MTA1: variants seen among roughly 807,000 people sequenced by gnomAD.
The protein encoded by MTA1 is metastasis associated 1.
MTA1 carries 15 observed loss-of-function variants against 97.0 expected under a neutral mutation model. The ratio of observed to expected loss-of-function variants is 0.15; its 90% CI spans 0.10 to 0.24. The LOEUF (loss-of-function observed/expected upper bound fraction) is 0.24, where lower values mean the gene tolerates loss of function less well. MTA1 is among the 10% of genes least tolerant of loss of function. MTA1 has a pLI of 1.00. For synonymous variants in MTA1, 435 were observed against 417.5 expected (o/e 1.04, Z -0.51); for missense variants, 709 against 1,015.1 (o/e 0.70, Z 4.10).
chr14:105,433,265 G>T (rs899188057), intron 1 of MTA1, among the ~76,000 whole-genome samples: 4 of 152,078 alleles, frequency 2.6e-5, no homozygotes, highest in African/African-American at 4.8e-5. Flanking sequence ...AAGCAGGGAC[G>T]CTCCCGTGAG....
intron 6 of MTA1, among the ~76,000 whole-genome samples, chr14:105,451,783 G>GTTTTTTTTTTTTTTTTTTTTTTTTTTTT (rs869240296): frequency 3.2e-5 from 1 of 31,380 alleles, no homozygotes; most frequent in African/African-American, 6.9e-5. Context: ...TTCTTTTTTT[G>GTTTTTTTTTTTTTTTTTTTTTTTTTTTT]TTTTTTTTTT....
At chr14:105,427,123 A>G (rs950827387) in intron 1 of MTA1, among the ~76,000 whole-genome samples, 8 of 152,098 alleles carry the variant, frequency 5.3e-5, no homozygotes, top group African/African-American at 1.9e-4. Flanking sequence ...TTCTCCCCCA[A>G]TTCTTCTGTG....
At position 105,424,736 on chromosome 14, in the gene MTA1, TCCAC is replaced by T. The variant is rs1415888463; in HGVS notation, c.28+4676_28+4679del. ...GTCTCGAACTCCTGACCTCAAGTGA[TCCAC>T]CCGCCTCGGCCTCCCAAAGTGCTGG... On this transcript the variant is annotated intron_variant, in intron 1 of 20. Coordinates refer to ENST00000331320, the MANE Select transcript of MTA1 (RefSeq NM_004689.4). The surrounding 1 kb of genome is among the most constrained non-coding windows in gnomAD (Gnocchi z 4.0). 6.8e-6 allele frequency among the ~76,000 whole-genome samples: 1 copy of T among 146,366 alleles called. No homozygotes were observed. The highest frequency in any genetic ancestry group is 1.5e-5 in the Non-Finnish European group (1 of 66,306).
intron 2 of MTA1, among the ~76,000 whole-genome samples, chr14:105,443,237 C>A (rs1274168273): frequency 6.6e-6 from 1 of 152,152 alleles, no homozygotes; most frequent in African/African-American, 2.4e-5. Context: ...GGGTTCACAC[C>A]ACCATAGTGA....
intron 7 of MTA1, among the ~76,000 whole-genome samples, chr14:105,455,029 C>T (rs900168663): frequency 1.3e-5 from 2 of 152,182 alleles, no homozygotes; most frequent in African/African-American, 4.8e-5. Context: ...CCTCAGCCTC[C>T]TCAGTAGCTG....
At chr14:105,447,768 C>T (rs1160826543) in intron 3 of MTA1, among the ~76,000 whole-genome samples, 2 of 152,216 alleles carry the variant, frequency 1.3e-5, no homozygotes, top group East Asian at 1.9e-4. Flanking sequence ...ACTCAGAGCG[C>T]GGCCCCACTC....
chr14:105,428,717 CT>C (rs60016099), intron 1 of MTA1, among the ~76,000 whole-genome samples: 143,319 of 145,586 alleles, frequency 0.98, 70,539 homozygotes, highest in South Asian at 1. Flanking sequence ...AGAAGTGTTT[CT>C]TTTTTTTTTT....
At chr14:105,469,528 G>T (rs372721890) in intron 19 of MTA1, 30 bp downstream of exon 19, 10 of 1,610,960 alleles carry the variant, frequency 6.2e-6, no homozygotes, top group African/African-American at 2.7e-5. Context: ...ATGGGGTACG[G>T]TGCGCTCACC....
In MTA1 at chr14:105,467,923, A is replaced by G. The variant is rs2083663736; in HGVS notation, c.1813+1181A>G. On this transcript the variant is annotated intron_variant, in intron 18 of 20. Transcript: ENST00000331320. Reference sequence around the variant, plus strand: ...CATAAAAGCTTATTTGTTCCCACTGAATTTTCCACACCTCACACGTGAGTC... The same window carrying G: ...CATAAAAGCTTATTTGTTCCCACTGGATTTTCCACACCTCACACGTGAGTC... 1.1e-4 allele frequency: 27 copies of G among 242,594 alleles called. No homozygotes were observed. The South Asian group carries it at 1.2e-3, about 11-fold the overall frequency. 15.0% of individuals were successfully genotyped at this position (242,594 alleles called of 1,614,324 possible). A position where few individuals can be genotyped will look rare whatever the true frequency, so the allele number is the denominator to read the frequency against.
At position 105,463,478 on chromosome 14, in the gene MTA1, C is replaced by T. The variant is rs2083441128; in HGVS notation, c.1018-15C>T. 6.2e-7 allele frequency: 1 copy of T among 1,613,016 alleles called. No homozygotes were observed. The highest frequency in any genetic ancestry group is 1.1e-5 in the South Asian group (1 of 91,074). Reference sequence around the variant, plus strand: ...GCCTAGCCTGCTGACCTCTGACCTTCTCTTTTGTTTTAAGAAACGCTTGAA... The same window carrying T: ...GCCTAGCCTGCTGACCTCTGACCTTTTCTTTTGTTTTAAGAAACGCTTGAA... On this transcript the variant is annotated splice_polypyrimidine_tract_variant and intron_variant, in intron 11 of 20. Coordinates refer to ENST00000331320, the MANE Select transcript of MTA1 (RefSeq NM_004689.4). This position sits in a 1 kb window ranked among gnomAD's most constrained non-coding sequence, Gnocchi z 5.9.
intron 1 of MTA1, among the ~76,000 whole-genome samples, chr14:105,427,182 CTT>C: frequency 6.6e-6 from 1 of 152,388 alleles, no homozygotes; most frequent in African/African-American, 2.4e-5. Context: ...AAAATTCACA[CTT>C]ATGTCACTTT....
rs1261297542 is a variant in MTA1, at chr14:105,420,111, C to T, written c.28+48C>T. The T allele has an allele frequency of 1.7e-5, 16 of 950,160 alleles. No individual in the cohort carries two copies. The highest frequency in any genetic ancestry group is 1.8e-5 in the Non-Finnish European group (14 of 791,248). 58.9% of individuals were successfully genotyped at this position (950,160 alleles called of 1,614,324 possible). On this transcript the variant is annotated intron_variant, in intron 1 of 20. Transcript: ENST00000331320. The surrounding 1 kb of genome is among the most constrained non-coding windows in gnomAD (Gnocchi z 5.3). ...CCCGGCCCCGACCCGCCCGCAGCCC[C>T]CACCCGCCGCCGCTGCCGCCTCCCC...
Position 105,464,401 on chromosome 14 carries a change from C to T in MTA1, c.1193-15C>T. The T allele has an allele frequency of 6.2e-7, 1 of 1,611,640 alleles. No individual in the cohort carries two copies. Among genetic ancestry groups the T allele is most frequent in the South Asian group, 1.1e-5 (1 of 91,060 alleles). Reference sequence around the variant, plus strand: ...TGCTTAAGAATCCGTCTATTTCCAACTTTGTTGTCCGTAGCCACACAGTCT... The same window carrying T: ...TGCTTAAGAATCCGTCTATTTCCAATTTTGTTGTCCGTAGCCACACAGTCT... On this transcript the variant is annotated splice_polypyrimidine_tract_variant and intron_variant, in intron 13 of 20. Coordinates refer to ENST00000331320, the MANE Select transcript of MTA1 (RefSeq NM_004689.4).
intron 16 of MTA1, chr14:105,466,169 C>T: frequency 1.8e-6 from 1 of 552,476 alleles, no homozygotes; most frequent in Admixed American, 3.3e-5. Context: ...CTGGCCCCCG[C>T]CAGGTGGTCT....
rs1457974814 is a variant in MTA1, at chr14:105,422,013, G to C, written c.28+1950G>C. Among the ~76,000 whole-genome samples, 1 of 152,244 alleles carries C rather than the reference G, an allele frequency of 6.6e-6. No homozygotes were observed. Among genetic ancestry groups the C allele is most frequent in the Non-Finnish European group, 1.5e-5 (1 of 68,042 alleles). ...TCTTTTCCTGTGATGAGGAGCATGGGAGGTTGGGTGCTGTCTGCTGGCAGC... is the reference window on the plus strand; with the variant it reads ...TCTTTTCCTGTGATGAGGAGCATGGCAGGTTGGGTGCTGTCTGCTGGCAGC... On this transcript the variant is annotated intron_variant, in intron 1 of 20. Coordinates refer to ENST00000331320, the MANE Select transcript of MTA1 (RefSeq NM_004689.4). This position sits in a 1 kb window ranked among gnomAD's most constrained non-coding sequence, Gnocchi z 4.3.
chr14:105,420,342 G>A lies in MTA1; in HGVS notation c.28+279G>A, dbSNP rs1405790472. The stretch of plus-strand genomic sequence containing the variant: ...GGGCGGCCGCGGGGGTGGCGGGGGG[G>A]CGCGGGGCCTGCGGGACATCCGGGG... On this transcript the variant is annotated intron_variant, in intron 1 of 20. Coordinates refer to ENST00000331320, the MANE Select transcript of MTA1 (RefSeq NM_004689.4). This position sits in a 1 kb window ranked among gnomAD's most constrained non-coding sequence, Gnocchi z 5.3. 2.6e-5 allele frequency among the ~76,000 whole-genome samples: 4 copies of A among 151,318 alleles called. No individual in the cohort carries two copies. The highest frequency in any genetic ancestry group is 7.3e-5 in the African/African-American group (3 of 41,362).
intron 1 of MTA1, among the ~76,000 whole-genome samples, chr14:105,433,361 C>T (rs1406065850): frequency 1.3e-5 from 2 of 152,210 alleles, no homozygotes; most frequent in Non-Finnish European, 2.9e-5. Flanking sequence ...TCCGTCTCAG[C>T]CCCTCCAGAG....
rs1014945528 is a variant in MTA1, at chr14:105,470,646, C to A, written c.*431C>A. 1 of 162,352 alleles carries A rather than the reference C, an allele frequency of 6.2e-6. No homozygotes were observed. Among genetic ancestry groups the A allele is most frequent in the Non-Finnish European group, 1.3e-5 (1 of 75,376 alleles). The allele number at this position is 162,352 out of a possible 1,614,324, so 10.1% of individuals were successfully genotyped here. A position where few individuals can be genotyped will look rare whatever the true frequency, so the allele number is the denominator to read the frequency against. On this transcript the variant is annotated 3_prime_UTR_variant, in exon 21 of 21. Transcript: ENST00000331320. ...GGCCGCGGCCGGCCGAGCTGCCTGGCGGGGTTGGCCCTTGTCTTTTCAAGT... is the reference window on the plus strand; with the variant it reads ...GGCCGCGGCCGGCCGAGCTGCCTGGAGGGGTTGGCCCTTGTCTTTTCAAGT...
At chr14:105,437,190 C>G (rs960934427) in intron 1 of MTA1, among the ~76,000 whole-genome samples, 1 of 152,216 alleles carries the variant, frequency 6.6e-6, no homozygotes, top group Non-Finnish European at 1.5e-5. Flanking sequence ...GGTGCCCAAA[C>G]AGGTGCGTCC....
Sources: gnomAD v4.1 joint callset for allele counts (sites outside exome capture counted in the v4.1 genomes callset) on GRCh38, gnomAD v4.1.1 for gene constraint, Gnocchi (gnomAD v3.1) non-coding constraint, MANE v1.5 for transcripts, NCBI Gene and HGNC (gene_info 2026-07-23, HGNC 2026-07-21) for gene names.